The following ABL1 variants were observed in gnomAD, a reference collection of about 807,000 sequenced individuals.
ABL1 encodes ABL proto-oncogene 1, non-receptor tyrosine kinase.
Under a neutral mutation model 94.7 loss-of-function variants are expected in ABL1, and 11 were observed. That is an observed-to-expected ratio of 0.12 (90% CI 0.07 to 0.19). The LOEUF is 0.19. Among genes scored for constraint, ABL1 ranks in the 10% least tolerant of loss-of-function variants. ABL1 has a pLI of 1.00. For synonymous variants in ABL1, 656 were observed against 622.4 expected (o/e 1.05, Z -0.80); for missense variants, 1,082 against 1,489.4 (o/e 0.73, Z 4.50).
chr9:130,724,836 C>CT (rs892922233), intron 1 of ABL1: 2 of 482,032 alleles, frequency 4.1e-6, no homozygotes, highest in Non-Finnish European at 8.3e-6. Context: ...GGTGTTGTTC[C>CT]TTTATGGAAA....
Position 130,885,806 on chromosome 9 carries a change from CGCCAGGCAGAGCTGAGGGCCCTGT to C in ABL1, c.*125_*148del, listed in dbSNP as rs1259393916. On this transcript the variant is annotated 3_prime_UTR_variant, in exon 11 of 11. Transcript: ENST00000318560. ...TCAGCACCTTGGCCCAGGAGCTCTG[CGCCAGGCAGAGCTGAGGGCCCTGT>C]GGAGTCCAGCTCTACTACCTACGTT... 1.5e-6 allele frequency: 2 copies of C among 1,327,664 alleles called. No individual in the cohort carries two copies. Among genetic ancestry groups the C allele is most frequent in the African/African-American group, 3.0e-5 (2 of 67,180 alleles). 82.2% of individuals were successfully genotyped at this position (1,327,664 alleles called of 1,614,324 possible). A position where few individuals can be genotyped will look rare whatever the true frequency, so the allele number is the denominator to read the frequency against.
chr9:130,733,734 G>A lies in ABL1; in HGVS notation c.136+19279G>A, dbSNP rs28416990. ...GCTGGGACTACAGGCGCCCGCCACCGCGCCTGCCACCACGCCCGGCTAACT... is the reference window on the plus strand; with the variant it reads ...GCTGGGACTACAGGCGCCCGCCACCACGCCTGCCACCACGCCCGGCTAACT... On this transcript the variant is annotated intron_variant, in intron 1 of 10. Transcript: ENST00000372348. Among the ~76,000 whole-genome samples the A allele has an allele frequency of 3.8e-4, 58 of 151,224 alleles. No homozygotes were observed. In the East Asian group the frequency reaches 7.6e-3, roughly 20 times the overall value.
chr9:130,739,856 TCCAACATAGGGAGACC>T (rs1321358947), intron 1 of ABL1, among the ~76,000 whole-genome samples: 3 of 152,024 alleles, frequency 2.0e-5, no homozygotes, highest in Non-Finnish European at 4.4e-5. Context: ...GAGACCAGCC[TCCAACATAGGGAGACC>T]CCAACATAGG....
chr9:130,725,841 T>TTG (rs1322875437), intron 1 of ABL1, among the ~76,000 whole-genome samples: 20 of 133,768 alleles, frequency 1.5e-4, no homozygotes, highest in African/African-American at 2.7e-4. Flanking sequence ...TTTTTTTTTT[T>TTG]TTTTTTTTTT....
intron 1 of ABL1, among the ~76,000 whole-genome samples, chr9:130,851,600 G>T (rs1830865465): frequency 6.6e-6 from 1 of 151,736 alleles, no homozygotes; most frequent in Admixed American, 6.6e-5. Context: ...AGATAATTCA[G>T]AATCAGTCCC....
At chr9:130,836,052 A>G (rs900303200) in intron 1 of ABL1, among the ~76,000 whole-genome samples, 5 of 152,248 alleles carry the variant, frequency 3.3e-5, no homozygotes, top group Admixed American at 3.3e-4. Context: ...CACAAGGAGC[A>G]CCACTCTACC....
At chr9:130,883,872 G>A in intron 10 of ABL1, 97 bp from the exon 11 acceptor site, 11 of 1,424,124 alleles carry the variant, frequency 7.7e-6, no homozygotes, top group Non-Finnish European at 1.0e-5. Flanking sequence ...CTGGGCTGGA[G>A]TGCAGCAGTG....
intron 1 of ABL1, among the ~76,000 whole-genome samples, chr9:130,757,477 G>A (rs1206594026): frequency 4.0e-5 from 6 of 151,146 alleles, no homozygotes; most frequent in Admixed American, 2.0e-4. Context: ...TGGGAGGACC[G>A]CTTGGGCCTG....
intron 3 of ABL1, among the ~76,000 whole-genome samples, chr9:130,860,815 G>C (rs1831058282): frequency 6.6e-6 from 1 of 152,246 alleles, no homozygotes; most frequent in Admixed American, 6.5e-5. Context: ...CGGCAGTGAA[G>C]TAATCGGACA....
At chr9:130,805,828 G>A in intron 1 of ABL1, among the ~76,000 whole-genome samples, 1 of 152,194 alleles carries the variant, frequency 6.6e-6, no homozygotes, top group East Asian at 1.9e-4. Flanking sequence ...AAGCCCTTCA[G>A]TTAAACAAAG....
chr9:130,817,983 G>C (rs1053751390), intron 1 of ABL1, among the ~76,000 whole-genome samples: 1 of 152,154 alleles, frequency 6.6e-6, no homozygotes, highest in Admixed American at 6.6e-5. Context: ...CTAGGTCGTA[G>C]GATAAGTATA....
intron 1 of ABL1, among the ~76,000 whole-genome samples, chr9:130,780,048 G>A (rs1829735361): frequency 6.6e-6 from 1 of 152,190 alleles, no homozygotes; most frequent in African/African-American, 2.4e-5. Context: ...CACTTTGGGA[G>A]GCCGAGGTGG....
intron 10 of ABL1, among the ~76,000 whole-genome samples, chr9:130,883,162 C>A (rs1174717853): frequency 2.6e-5 from 4 of 151,968 alleles, no homozygotes; most frequent in African/African-American, 9.7e-5. Context: ...ACGTGTCACG[C>A]TTCTCTCAAT....
Position 130,854,254 on chromosome 9 carries a change from C to T in ABL1, c.253+17C>T, listed in dbSNP as rs972231287. ...TAACTAAAGGTAAAAGGGTTGTGGGCAGCTAGTGGTGGTTGCAGGAGATAG... is the reference window on the plus strand; with the variant it reads ...TAACTAAAGGTAAAAGGGTTGTGGGTAGCTAGTGGTGGTTGCAGGAGATAG... On this transcript the variant is annotated intron_variant, in intron 2 of 10. Coordinates refer to ENST00000318560, the MANE Select transcript of ABL1 (RefSeq NM_005157.6). 1 of 1,609,110 alleles carries T rather than the reference C, an allele frequency of 6.2e-7. No homozygotes were observed. Among genetic ancestry groups the T allele is most frequent in the Non-Finnish European group, 8.5e-7 (1 of 1,177,178 alleles).
rs1831576697 is a variant in ABL1, at chr9:130,725,836, T to TTTTTTTTTTTTTTTTG, written c.136+11382_136+11397dup. Among the ~76,000 whole-genome samples the TTTTTTTTTTTTTTTTG allele has an allele frequency of 1.7e-5, 2 of 119,306 alleles. 1 individual carries two copies. The highest frequency in any genetic ancestry group is 7.1e-5 in the African/African-American group (2 of 28,312). The allele number at this position is 119,306 out of a possible 152,430, so 78.3% of individuals were successfully genotyped here. A position where few individuals can be genotyped will look rare whatever the true frequency, so the allele number is the denominator to read the frequency against. ...CTTGTGTATGGTGGTTTTTTTTTTT[T>TTTTTTTTTTTTTTTTG]TTTTTTTTTTTTTTTGAGACAGTCT... On this transcript the variant is annotated intron_variant, in intron 1 of 10. Coordinates refer to the ABL1 transcript ENST00000372348.
chr9:130,847,729 A>G (rs1296245427), intron 1 of ABL1, among the ~76,000 whole-genome samples: 1 of 152,192 alleles, frequency 6.6e-6, no homozygotes, highest in Non-Finnish European at 1.5e-5. Context: ...CAAGAACTGG[A>G]GAGGAAAGTC....
intron 4 of ABL1, among the ~76,000 whole-genome samples, chr9:130,867,744 G>A (rs1204574978): frequency 6.6e-6 from 1 of 152,190 alleles, no homozygotes; most frequent in Non-Finnish European, 1.5e-5. Flanking sequence ...AGGAGGGCTC[G>A]GAGCCTGCTG....
At chr9:130,733,011 CAG>C (rs1465899256) in intron 1 of ABL1, among the ~76,000 whole-genome samples, 1 of 152,100 alleles carries the variant, frequency 6.6e-6, no homozygotes, top group African/African-American at 2.4e-5. Flanking sequence ...AATTGCTAAA[CAG>C]AGAAGGGGAG....
At position 130,742,812 on chromosome 9, in the gene ABL1, A is replaced by G. The variant is rs910438296; in HGVS notation, c.136+28357A>G. Among the ~76,000 whole-genome samples the G allele has an allele frequency of 2.0e-5, 3 of 152,196 alleles. No homozygotes were observed. In the South Asian group the frequency reaches 6.2e-4, roughly 32 times the overall value. On this transcript the variant is annotated intron_variant, in intron 1 of 10. Transcript: ENST00000372348. ...GTATATCAGATGTACGCACATTAGT[A>G]TGTGCTATTAAGATACTTTATATTA...
Sources: allele counts gnomAD v4.1 joint callset (sites outside exome capture counted in the v4.1 genomes callset), GRCh38; gene constraint gnomAD v4.1.1; transcripts MANE v1.5; gene names NCBI Gene and HGNC (gene_info 2026-07-23, HGNC 2026-07-21).